Variants in MEGF8 observed in about 807,000 individuals in gnomAD.
MEGF8 encodes the protein multiple EGF like domains 8.
Under a neutral mutation model 302.9 loss-of-function variants are expected in MEGF8, and 156 were observed. That is an observed-to-expected ratio of 0.52 (90% CI 0.45 to 0.59). MEGF8 has a LOEUF of 0.59. MEGF8 is among the 20% of genes least tolerant of loss of function. The pLI is 0.00. For missense variants in MEGF8, 3,345 were observed against 3,964.5 expected (o/e 0.84, Z 4.20); for synonymous variants, 1,621 against 1,660.5 (o/e 0.98, Z 0.58).
Position 42,375,599 on chromosome 19 carries a change from C to T in MEGF8, c.7362C>T (p.Asp2454=). ...LISVEQECCL[D]PTSQTNCFHE... ...CGGTGGAGCAGGAGTGCTGCCTGGA[C>T]CCCACGTCCCAGACCAACTGCTTCC... The change falls in exon 42 of 42, where the codon GAC becomes GAT. Residue 2454 remains aspartate, a synonymous_variant. Coordinates refer to ENST00000251268, the MANE Select transcript of MEGF8 (RefSeq NM_001271938.2). This position sits in a 1 kb window ranked among gnomAD's most constrained non-coding sequence, Gnocchi z 7.1. 2 of 1,603,270 alleles carry T rather than the reference C, an allele frequency of 1.2e-6. No homozygotes were observed. Among genetic ancestry groups the T allele is most frequent in the Non-Finnish European group, 1.7e-6 (2 of 1,175,874 alleles).
In MEGF8 at chr19:42,364,661, G is replaced by A. The variant is rs975490650; in HGVS notation, c.6273+1399G>A. ...GGGAGTGGTACATTAGCTCTCACCCGGAGGTAGTTTGCCTTGCGATCAAAA... is the reference window on the plus strand; with the variant it reads ...GGGAGTGGTACATTAGCTCTCACCCAGAGGTAGTTTGCCTTGCGATCAAAA... On this transcript the variant is annotated intron_variant, in intron 35 of 41. Coordinates refer to ENST00000251268, the MANE Select transcript of MEGF8 (RefSeq NM_001271938.2). Among the ~76,000 whole-genome samples, 6 of 152,184 alleles carry A rather than the reference G, an allele frequency of 3.9e-5. No homozygotes were observed. In the South Asian group the frequency reaches 6.2e-4, roughly 16 times the overall value.
At chr19:42,360,732 G>T in intron 31 of MEGF8, 43 bp from the exon 32 acceptor site, 1 of 1,549,454 alleles carries the variant, frequency 6.5e-7, no homozygotes. Context: ...TCTTCCTGGA[G>T]TCTCCTGCTC....
chr19:42,352,215 C>T lies in MEGF8; in HGVS notation c.3109C>T (p.Gln1037Ter). The change falls in exon 19 of 42, where the codon CAG (glutamine) becomes TAG (stop). Residue 1037 changes from glutamine to a stop codon, truncating the protein, a stop_gained. Transcript: ENST00000251268. LOFTEE classifies it high-confidence loss of function. This position sits in a 1 kb window ranked among gnomAD's most constrained non-coding sequence, Gnocchi z 4.4. ...CACTCTCCCACCCTGCAGGTGCCTA[C>T]AGGGGGACTTCTCAGGGCCCCTCGG... is the stretch of plus-strand genomic sequence containing the variant. ...EDNPTLGRCL[Q>*]GDFSGPLGGG... 2.0e-6 allele frequency: 3 copies of T among 1,537,684 alleles called. No homozygotes were observed. The highest frequency in any genetic ancestry group is 2.6e-6 in the Non-Finnish European group (3 of 1,136,896).
rs1458040146 is a variant in MEGF8, at chr19:42,375,520, G to A, written c.7283G>A (p.Arg2428Gln). 5 of 1,585,400 alleles carry A rather than the reference G, an allele frequency of 3.2e-6. No individual in the cohort carries two copies. The highest frequency in any genetic ancestry group is 2.3e-5 in the East Asian group (1 of 43,366). The part of the protein sequence containing the change: ...DCYKYQCAKC[R>Q]ESFHGSPLGG... Reference sequence around the variant, plus strand: ...CCCTGCCCGCAGTGCGCCAAGTGCCGGGAATCATTTCACGGGAGTCCGCTG... The same window carrying A: ...CCCTGCCCGCAGTGCGCCAAGTGCCAGGAATCATTTCACGGGAGTCCGCTG... Residue 2428 changes from arginine (R) to glutamine (Q), a missense_variant, in exon 42 of 42, where the codon CGG becomes CAG. Transcript: ENST00000251268. This position sits in a 1 kb window ranked among gnomAD's most constrained non-coding sequence, Gnocchi z 7.1.
At position 42,369,128 on chromosome 19, in the gene MEGF8, G is replaced by C; in HGVS notation, c.6641+126G>C. The stretch of plus-strand genomic sequence containing the variant: ...GAAAGCTCGAGGCATGAAGGCAGTG[G>C]GATTGATTCCTGAAGGTCAAGAGTG... On this transcript the variant is annotated intron_variant, in intron 37 of 41. Coordinates refer to ENST00000251268, the MANE Select transcript of MEGF8 (RefSeq NM_001271938.2). This position sits in a 1 kb window ranked among gnomAD's most constrained non-coding sequence, Gnocchi z 5.7. 1 of 1,267,780 alleles carries C rather than the reference G, an allele frequency of 7.9e-7. No individual in the cohort carries two copies. The highest frequency in any genetic ancestry group is 1.1e-6 in the Non-Finnish European group (1 of 934,272). The allele number at this position is 1,267,780 out of a possible 1,614,324, so 78.5% of individuals were successfully genotyped here.
chr19:42,346,973 A>AGAC (rs2039297851), intron 12 of MEGF8, among the ~76,000 whole-genome samples: 1 of 140,456 alleles, frequency 7.1e-6, no homozygotes, highest in Admixed American at 7.2e-5. Context: ...TGACAGAGAG[A>AGAC]GACTCTGTCT....
chr19:42,369,713 A>G lies in MEGF8; in HGVS notation c.6824A>G (p.Asn2275Ser). 1.2e-6 allele frequency: 2 copies of G among 1,607,846 alleles called. No individual in the cohort carries two copies. The highest frequency in any genetic ancestry group is 1.7e-6 in the Non-Finnish European group (2 of 1,178,108). The change falls in exon 38 of 42, where the codon AAC becomes AGC. Residue 2275 changes from asparagine (N) to serine (S), a missense_variant. By Grantham distance (46) the Asn-to-Ser change is conservative. Coordinates refer to ENST00000251268, the MANE Select transcript of MEGF8 (RefSeq NM_001271938.2). The surrounding 1 kb of genome is among the most constrained non-coding windows in gnomAD (Gnocchi z 5.7). Reference protein sequence around the residue: ...GARDHCLLCRNHTKGSHCEQC... With the variant: ...GARDHCLLCRSHTKGSHCEQC... ...CGTGACCACTGCTTGCTCTGCCGCAACCACACCAAGGTGGGCCGCCCGGAG... is the reference window on the plus strand; with the variant it reads ...CGTGACCACTGCTTGCTCTGCCGCAGCCACACCAAGGTGGGCCGCCCGGAG...
At chr19:42,332,656 G>A (rs780686707) in intron 1 of MEGF8, among the ~76,000 whole-genome samples, 1 of 152,210 alleles carries the variant, frequency 6.6e-6, no homozygotes, top group Non-Finnish European at 1.5e-5. Flanking sequence ...GTGAGCCACC[G>A]TGCCCAGCCG....
At position 42,351,697 on chromosome 19, in the gene MEGF8, C is replaced by G. The variant is rs761975438; in HGVS notation, c.3037C>G (p.His1013Asp). The change falls in exon 18 of 42, where the codon CAT (histidine) becomes GAT (aspartate). Residue 1013 changes from histidine to aspartate, a missense_variant. Transcript: ENST00000251268. The surrounding 1 kb of genome is among the most constrained non-coding windows in gnomAD (Gnocchi z 5.6). ...CRSCDGFLTC[H>D]ECLQSHECGW... The stretch of plus-strand genomic sequence containing the variant: ...GAGCTGCGATGGCTTCCTGACCTGC[C>G]ATGAGTGTCTGCAGAGCCACGAGTG... 1.3e-5 allele frequency: 20 copies of G among 1,595,826 alleles called. No individual in the cohort carries two copies. The highest frequency in any genetic ancestry group is 1.7e-5 in the Non-Finnish European group (20 of 1,171,838).
At chr19:42,373,541 C>CA (rs762169737) in intron 41 of MEGF8, among the ~76,000 whole-genome samples, 15 of 150,804 alleles carry the variant, frequency 9.9e-5, no homozygotes, top group Non-Finnish European at 2.2e-4. Flanking sequence ...GCTGAGACTA[C>CA]AAGCATGTGC....
intron 41 of MEGF8, among the ~76,000 whole-genome samples, chr19:42,372,412 C>T (rs957604038): frequency 1.3e-5 from 2 of 152,130 alleles, no homozygotes; most frequent in Non-Finnish European, 2.9e-5. Flanking sequence ...CTGCTGTGTT[C>T]CAGACTTGCC....
intron 23 of MEGF8, 113 bp from the exon 24 acceptor site, chr19:42,355,645 A>G: frequency 7.2e-7 from 1 of 1,398,040 alleles, no homozygotes. Context: ...ATGATTATGA[A>G]TAATATGGTG....
At position 42,369,430 on chromosome 19, in the gene MEGF8, A is replaced by T; in HGVS notation, c.6642-101A>T. The stretch of plus-strand genomic sequence containing the variant: ...ATAGCAACGGGACAGAGCAGGGATG[A>T]GCAACCAGTTGAGAAGAGGGTGGGG... On this transcript the variant is annotated intron_variant, in intron 37 of 41. Transcript: ENST00000251268. This position sits in a 1 kb window ranked among gnomAD's most constrained non-coding sequence, Gnocchi z 5.7. 2 of 1,252,154 alleles carry T rather than the reference A, an allele frequency of 1.6e-6. No individual in the cohort carries two copies. Among genetic ancestry groups the T allele is most frequent in the South Asian group, 2.7e-5 (2 of 72,768 alleles). 77.6% of individuals were successfully genotyped at this position (1,252,154 alleles called of 1,614,324 possible). A position where few individuals can be genotyped will look rare whatever the true frequency, so the allele number is the denominator to read the frequency against.
chr19:42,347,524 C>T (rs898796637), intron 12 of MEGF8, among the ~76,000 whole-genome samples: 3 of 151,514 alleles, frequency 2.0e-5, no homozygotes, highest in African/African-American at 7.3e-5. Context: ...CGGAGTTTTG[C>T]TCTTGTTGCA....
At position 42,362,608 on chromosome 19, in the gene MEGF8, G is replaced by T; in HGVS notation, c.6058+11G>T. ...AGTTCAAGAGGACAGGTGAGCAGTGGGCCTAGTTCCTGAGAGGGGAGTCTT... is the reference window on the plus strand; with the variant it reads ...AGTTCAAGAGGACAGGTGAGCAGTGTGCCTAGTTCCTGAGAGGGGAGTCTT... On this transcript the variant is annotated intron_variant, in intron 34 of 41. Transcript: ENST00000251268. The T allele has an allele frequency of 6.2e-7, 1 of 1,607,704 alleles. No individual in the cohort carries two copies.
chr19:42,345,170 C>T (rs898547336), intron 12 of MEGF8, among the ~76,000 whole-genome samples: 6 of 152,154 alleles, frequency 3.9e-5, no homozygotes, highest in African/African-American at 7.2e-5. Context: ...CGAAGTTTCA[C>T]CATGTTGGTC....
chr19:42,350,088 G>C, intron 14 of MEGF8, 60 bp from the exon 15 acceptor site: 1 of 1,377,764 alleles, frequency 7.3e-7, no homozygotes, highest in African/African-American at 1.4e-5. Flanking sequence ...TTCAGTTAGC[G>C]CCAGACTCTG....
At chr19:42,372,510 G>A (rs1377198410) in intron 41 of MEGF8, among the ~76,000 whole-genome samples, 1 of 152,176 alleles carries the variant, frequency 6.6e-6, no homozygotes, top group Admixed American at 6.6e-5. Flanking sequence ...GGAAGAGAAA[G>A]TCCCTTGCTC....
At chr19:42,362,347 T>C (rs376793658) in intron 33 of MEGF8, 37 bp from the exon 34 acceptor site, 2 of 1,612,294 alleles carry the variant, frequency 1.2e-6, no homozygotes, top group African/African-American at 2.7e-5. Flanking sequence ...TCAGGAGGGG[T>C]GCTGAGGGTC....
Sources: allele counts gnomAD v4.1 joint callset (sites outside exome capture counted in the v4.1 genomes callset), GRCh38; gene constraint gnomAD v4.1.1; non-coding constraint Gnocchi (gnomAD v3.1); transcripts MANE v1.5; gene names NCBI Gene and HGNC (gene_info 2026-07-23, HGNC 2026-07-21).